LNPEP: variants seen among roughly 807,000 people sequenced by gnomAD.
LNPEP encodes leucyl and cystinyl aminopeptidase, also known as leucyl-cystinyl aminopeptidase.
Under a neutral mutation model 120.6 loss-of-function variants are expected in LNPEP, and 64 were observed. That is an observed-to-expected ratio of 0.53 (90% CI 0.43 to 0.65). The LOEUF (loss-of-function observed/expected upper bound fraction) is 0.65. Among genes scored for constraint, LNPEP ranks in the 30% least tolerant of loss-of-function variants. The probability of loss-of-function intolerance (pLI) is 0.00; values close to 1 mark genes in which losing one functional copy is unlikely to be tolerated. For missense variants in LNPEP, 1,057 were observed against 1,200.0 expected, an observed-to-expected ratio of 0.88 and a Z score of 1.76; for synonymous variants, 435 against 425.4, an observed-to-expected ratio of 1.02 and a Z score of -0.28.
chr5:97,013,496 T>TA (rs1790988626), intron 11 of LNPEP, 152 bp from the exon 12 acceptor site: 1 of 458,790 alleles, frequency 2.2e-6, no homozygotes, highest in African/African-American at 2.0e-5. Context: ...TGACCTTCAC[T>TA]AACGTGAAAA....
In LNPEP at chr5:97,015,111, T is replaced by G; in HGVS notation, c.2376+16T>G. ...AAGACTGGTGGTAAGTCTGCCTTTT[T>G]GCCAGCTTCTTGCTGTTTATCTTTA... On this transcript the variant is annotated intron_variant, in intron 13 of 17. Transcript: ENST00000231368. 6.6e-7 allele frequency: 1 copy of G among 1,512,438 alleles called. No homozygotes were observed. Among genetic ancestry groups the G allele is most frequent in the Non-Finnish European group, 8.8e-7 (1 of 1,130,054 alleles). 93.7% of individuals were successfully genotyped at this position (1,512,438 alleles called of 1,614,324 possible). A position where few individuals can be genotyped will look rare whatever the true frequency, so the allele number is the denominator to read the frequency against.
chr5:96,970,008 T>C (rs1455862214), intron 1 of LNPEP, among the ~76,000 whole-genome samples: 1 of 151,966 alleles, frequency 6.6e-6, no homozygotes, highest in Admixed American at 6.6e-5. Flanking sequence ...CCTAATTTAC[T>C]AATTGATTTT....
chr5:96,996,879 G>T (rs1179967850), intron 7 of LNPEP, among the ~76,000 whole-genome samples: 1 of 151,828 alleles, frequency 6.6e-6, no homozygotes, highest in Non-Finnish European at 1.5e-5. Context: ...TTTTTATCCT[G>T]TGTAAAAATT....
chr5:96,954,376 T>C lies in LNPEP; in HGVS notation c.19+18202T>C, dbSNP rs574226507. ...ATTATAGAAATTTAGCCCTTCACTCTGCTGATGTTTATAGTTAAGTGTCAG... is the reference window on the plus strand; with the variant it reads ...ATTATAGAAATTTAGCCCTTCACTCCGCTGATGTTTATAGTTAAGTGTCAG... On this transcript the variant is annotated intron_variant, in intron 1 of 17. Transcript: ENST00000231368. 2.2e-3 allele frequency among the ~76,000 whole-genome samples: 330 copies of C among 152,206 alleles called. 1 individual carries two copies. The highest frequency in any genetic ancestry group is 4.2e-3 in the Non-Finnish European group (285 of 68,008).
At chr5:96,997,331 A>G (rs549908650) in intron 7 of LNPEP, among the ~76,000 whole-genome samples, 9 of 152,092 alleles carry the variant, frequency 5.9e-5, no homozygotes, top group Non-Finnish European at 1.3e-4. Flanking sequence ...AAAAATTTCA[A>G]GTGGTAGGGG....
At chr5:96,983,445 TTTTC>T (rs1293103811) in intron 2 of LNPEP, among the ~76,000 whole-genome samples, 2 of 151,492 alleles carry the variant, frequency 1.3e-5, no homozygotes, top group African/African-American at 4.8e-5. Context: ...AATCGAGGAC[TTTTC>T]TTTTTTTTTC....
intron 1 of LNPEP, among the ~76,000 whole-genome samples, chr5:96,963,746 TTTTG>T (rs1294298151): frequency 2.6e-5 from 4 of 152,210 alleles, no homozygotes; most frequent in Admixed American, 2.6e-4. Context: ...AAAAAGAATG[TTTTG>T]TTTATTAATT....
intron 1 of LNPEP, among the ~76,000 whole-genome samples, chr5:96,967,491 T>C (rs896642855): frequency 6.6e-6 from 1 of 152,032 alleles, no homozygotes; most frequent in South Asian, 2.1e-4. Context: ...ACTTGAATTA[T>C]CAACCAGCTT....
intron 1 of LNPEP, among the ~76,000 whole-genome samples, chr5:96,968,953 A>T (rs541802086): frequency 1.3e-3 from 205 of 152,214 alleles, no homozygotes; most frequent in Middle Eastern, 3.4e-3. Context: ...ATACAGGGCC[A>T]CTGGGTCTCT....
chr5:96,966,610 A>G (rs1292781814), intron 1 of LNPEP, among the ~76,000 whole-genome samples: 1 of 151,222 alleles, frequency 6.6e-6, no homozygotes, highest in Non-Finnish European at 1.5e-5. Flanking sequence ...CACTTAGTAT[A>G]TGTCGGAACC....
At chr5:97,002,673 A>G (rs1790684032) in intron 8 of LNPEP, among the ~76,000 whole-genome samples, 1 of 152,204 alleles carries the variant, frequency 6.6e-6, no homozygotes, top group South Asian at 2.1e-4. Flanking sequence ...AGCTTACTGC[A>G]TAGATGAGGA....
intron 11 of LNPEP, among the ~76,000 whole-genome samples, chr5:97,008,310 G>C (rs1367918979): frequency 6.5e-5 from 9 of 138,074 alleles, no homozygotes; most frequent in Admixed American, 5.6e-4. Flanking sequence ...TTGTTTCATT[G>C]GTTGATTTTT....
At position 97,028,920 on chromosome 5, in the gene LNPEP, C is replaced by T. The variant is rs143119916; in HGVS notation, c.*387C>T. 94 of 177,548 alleles carry T rather than the reference C, an allele frequency of 5.3e-4. No individual in the cohort carries two copies. The highest frequency in any genetic ancestry group is 2.3e-3 in the East Asian group (14 of 6,036). The allele number at this position is 177,548 out of a possible 1,614,324, so 11.0% of individuals were successfully genotyped here. Reference sequence around the variant, plus strand: ...CCTAAGAGCCGCCATCACTTCAGGCCGCTGGTTTGTCAGCCATCTGTTGCT... The same window carrying T: ...CCTAAGAGCCGCCATCACTTCAGGCTGCTGGTTTGTCAGCCATCTGTTGCT... On this transcript the variant is annotated 3_prime_UTR_variant, in exon 18 of 18. Transcript: ENST00000231368.
chr5:97,031,092 A>C lies in LNPEP; in HGVS notation c.*2559A>C, dbSNP rs1791460333. ...CAGTATGCTTCTTTTATTTAAGCAC[A>C]CAGATTCATGACACAAGTACTTGTT... On this transcript the variant is annotated 3_prime_UTR_variant, in exon 18 of 18. Transcript: ENST00000231368. The C allele has an allele frequency of 6.6e-6, 1 of 151,746 alleles. No homozygotes were observed. Among genetic ancestry groups the C allele is most frequent in the Non-Finnish European group, 1.5e-5 (1 of 67,966 alleles). The allele number at this position is 151,746 out of a possible 1,614,324, so 9.4% of individuals were successfully genotyped here.
chr5:97,028,479 G>A lies in LNPEP; in HGVS notation c.3024G>A (p.Gln1008=). 6.2e-7 allele frequency: 1 copy of A among 1,614,020 alleles called. No individual in the cohort carries two copies. The highest frequency in any genetic ancestry group is 8.5e-7 in the Non-Finnish European group (1 of 1,179,882). The change falls in exon 18 of 18, where the codon CAG becomes CAA. Residue 1008 remains glutamine, a synonymous_variant. Transcript: ENST00000231368. ...RCVQEALEVI[Q]LNIQWMEKNL... ...TCCAGGAGGCTTTGGAAGTCATTCA[G>A]TTGAATATCCAGTGGATGGAGAAGA...
chr5:96,999,209 T>A (rs1790586908), intron 8 of LNPEP, among the ~76,000 whole-genome samples: 1 of 152,234 alleles, frequency 6.6e-6, no homozygotes. Flanking sequence ...GGTTTCAGTT[T>A]ATAAAGTAGA....
intron 4 of LNPEP, among the ~76,000 whole-genome samples, chr5:96,988,546 C>T (rs1433165881): frequency 6.6e-6 from 1 of 151,804 alleles, no homozygotes; most frequent in African/African-American, 2.4e-5. Flanking sequence ...CATTATTTGG[C>T]CTGCTGGTCT....
intron 1 of LNPEP, among the ~76,000 whole-genome samples, chr5:96,954,425 T>G (rs1194779929): frequency 6.6e-6 from 1 of 151,928 alleles, no homozygotes; most frequent in Non-Finnish European, 1.5e-5. Flanking sequence ...CAGAAGACCT[T>G]GTATGGTTCC....
At chr5:97,023,094 C>T (rs1365710863) in intron 14 of LNPEP, among the ~76,000 whole-genome samples, 2 of 152,146 alleles carry the variant, frequency 1.3e-5, no homozygotes, top group South Asian at 4.2e-4. Flanking sequence ...CCCCTGGTAA[C>T]CACTATTCTA....
Sources: gnomAD v4.1 joint callset for allele counts (sites outside exome capture counted in the v4.1 genomes callset) on GRCh38, gnomAD v4.1.1 for gene constraint, MANE v1.5 for transcripts, NCBI Gene and HGNC (gene_info 2026-07-23, HGNC 2026-07-21) for gene names.